Variants in NRSN2 observed in about 807,000 individuals in gnomAD.
NRSN2 encodes neurensin-2.
Under a neutral mutation model 11.1 loss-of-function variants are expected in NRSN2, and 10 were observed. That is an observed-to-expected ratio of 0.90 (90% CI 0.56 to 1.53). The LOEUF (loss-of-function observed/expected upper bound fraction) is 1.53, where lower values mean the gene tolerates loss of function less well. NRSN2 is among the 40% of genes most tolerant of loss of function. The pLI is 0.00. For synonymous variants in NRSN2, 100 were observed against 117.0 expected (o/e 0.86, Z 0.94); for missense variants, 260 against 273.7 (o/e 0.95, Z 0.35).
rs1198912181 is a variant in NRSN2, at chr20:347,402, C to A, written c.-200-32C>A. On this transcript the variant is annotated intron_variant, in intron 1 of 4. Transcript: ENST00000382285. The surrounding 1 kb of genome is among the most constrained non-coding windows in gnomAD (Gnocchi z 7.0). ...GACACCCCCACCCCCGCCAACACTT[C>A]AAAAACCCATTCCTACCCCTCTCTG... is the stretch of plus-strand genomic sequence containing the variant. The A allele has an allele frequency of 1.3e-5, 2 of 152,428 alleles. No homozygotes were observed. Among genetic ancestry groups the A allele is most frequent in the Admixed American group, 1.3e-4 (2 of 15,284 alleles). 9.4% of individuals were successfully genotyped at this position (152,428 alleles called of 1,614,324 possible).
rs2122584127 is a variant in NRSN2 at position 353,780 on chromosome 20, T to C, written c.*145T>C. On this transcript the variant is annotated 3_prime_UTR_variant, in exon 5 of 5. Transcript: ENST00000382285. ...GTCAAATCTGGAGCTCAAATCCCAGTGCTCCCTCCCCAGGAGTGGGGCCCC... is the reference window on the plus strand; with the variant it reads ...GTCAAATCTGGAGCTCAAATCCCAGCGCTCCCTCCCCAGGAGTGGGGCCCC... 1.2e-6 allele frequency: 1 copy of C among 858,520 alleles called. No homozygotes were observed. Among genetic ancestry groups the C allele is most frequent in the Non-Finnish European group, 1.7e-6 (1 of 574,730 alleles). 53.2% of individuals were successfully genotyped at this position (858,520 alleles called of 1,614,324 possible).
intron 4 of NRSN2, among the ~76,000 whole-genome samples, chr20:351,708 T>C (rs1261310576): frequency 6.6e-6 from 1 of 152,098 alleles, no homozygotes; most frequent in African/African-American, 2.4e-5. Context: ...ACTAAATAAA[T>C]GGAGAAATAG....
rs908610815 is a variant in NRSN2, at chr20:354,381, G to A, written c.*746G>A. 5 of 152,086 alleles carry A rather than the reference G, an allele frequency of 3.3e-5. No individual in the cohort carries two copies. Among genetic ancestry groups the A allele is most frequent in the Non-Finnish European group, 7.3e-5 (5 of 68,060 alleles). 9.4% of individuals were successfully genotyped at this position (152,086 alleles called of 1,614,324 possible). A position where few individuals can be genotyped will look rare whatever the true frequency, so the allele number is the denominator to read the frequency against. Reference sequence around the variant, plus strand: ...TCCTGGTTCCCTGAGGGTCCTCAGGGTGGAGGACAGGTTTGGCCCAGAAAG... The same window carrying A: ...TCCTGGTTCCCTGAGGGTCCTCAGGATGGAGGACAGGTTTGGCCCAGAAAG... On this transcript the variant is annotated 3_prime_UTR_variant, in exon 5 of 5. Transcript: ENST00000382285.
Position 353,605 on chromosome 20 carries a change from G to A in NRSN2, c.585G>A (p.Val195=). ...PPASPFGQSS[V]QTIQPKRDS is the part of the protein sequence containing the mutation. ...CCAGCCCCTTTGGGCAATCTTCTGTGCAGACTATCCAGCCCAAGAGGGACT... is the reference window on the plus strand; with the variant it reads ...CCAGCCCCTTTGGGCAATCTTCTGTACAGACTATCCAGCCCAAGAGGGACT... The change falls in exon 5 of 5, where the codon GTG becomes GTA. Residue 195 remains valine (V), a synonymous_variant. Transcript: ENST00000382285. The A allele has an allele frequency of 1.2e-6, 2 of 1,614,190 alleles. No homozygotes were observed. Among genetic ancestry groups the A allele is most frequent in the Non-Finnish European group, 1.7e-6 (2 of 1,180,030 alleles).
At position 347,840 on chromosome 20, in the gene NRSN2, C is replaced by T. The variant is rs1187719828; in HGVS notation, c.-122+328C>T. ...CTCCTCCCGGCTCCCGGGCTGGGGA[C>T]GCCTCCCTAGCGGTTCCCATGGCAA... On this transcript the variant is annotated intron_variant, in intron 2 of 4. Transcript: ENST00000382285. This position sits in a 1 kb window ranked among gnomAD's most constrained non-coding sequence, Gnocchi z 7.0. Among the ~76,000 whole-genome samples, 1 of 152,016 alleles carries T rather than the reference C, an allele frequency of 6.6e-6. No individual in the cohort carries two copies. The highest frequency in any genetic ancestry group is 2.4e-5 in the African/African-American group (1 of 41,410).
intron 2 of NRSN2, among the ~76,000 whole-genome samples, chr20:348,854 A>G (rs1014726145): frequency 8.9e-5 from 12 of 134,668 alleles, no homozygotes; most frequent in South Asian, 2.4e-4. Context: ...ACTTTTGTGG[A>G]AAAAAAAAAA....
At position 354,833 on chromosome 20, in the gene NRSN2, C is replaced by G. The variant is rs1456835756; in HGVS notation, c.*1198C>G. The G allele has an allele frequency of 1.3e-5, 2 of 152,302 alleles. No individual in the cohort carries two copies. The highest frequency in any genetic ancestry group is 2.9e-5 in the Non-Finnish European group (2 of 68,100). 9.4% of individuals were successfully genotyped at this position (152,302 alleles called of 1,614,324 possible). On this transcript the variant is annotated 3_prime_UTR_variant, in exon 5 of 5. Coordinates refer to ENST00000382285, the MANE Select transcript of NRSN2 (RefSeq NM_001323682.2). ...CTCATCCTGCACCCCTTCCATCCCA[C>G]CTTCCCTTTCAATAAACAGCTGGGA...
At chr20:350,215 C>T (rs2013821322) in intron 4 of NRSN2, among the ~76,000 whole-genome samples, 1 of 152,072 alleles carries the variant, frequency 6.6e-6, no homozygotes, top group African/African-American at 2.4e-5. Flanking sequence ...TAGTTCACGC[C>T]TGTAATCCCA....
In NRSN2 at chr20:347,807, C is replaced by T. The variant is rs2013548214; in HGVS notation, c.-122+295C>T. 6.6e-6 allele frequency among the ~76,000 whole-genome samples: 1 copy of T among 152,160 alleles called. No individual in the cohort carries two copies. Among genetic ancestry groups the T allele is most frequent in the Non-Finnish European group, 1.5e-5 (1 of 68,014 alleles). ...GCCCCCTCCGCCTCCCGCTCCCCTC[C>T]CACCGAGCTCCTCCCGGCTCCCGGG... On this transcript the variant is annotated intron_variant, in intron 2 of 4. Coordinates refer to ENST00000382285, the MANE Select transcript of NRSN2 (RefSeq NM_001323682.2). The surrounding 1 kb of genome is among the most constrained non-coding windows in gnomAD (Gnocchi z 7.0).
Position 350,133 on chromosome 20 carries a change from A to G in NRSN2, c.189+301A>G, listed in dbSNP as rs575607785. ...GGTGGGCAGATCACCTGAGGTCTGGAGTTCAACACCTGCTCTGTCAGCATG... is the reference window on the plus strand; with the variant it reads ...GGTGGGCAGATCACCTGAGGTCTGGGGTTCAACACCTGCTCTGTCAGCATG... On this transcript the variant is annotated intron_variant, in intron 4 of 4. Coordinates refer to ENST00000382285, the MANE Select transcript of NRSN2 (RefSeq NM_001323682.2). Among the ~76,000 whole-genome samples the G allele has an allele frequency of 2.6e-5, 4 of 152,042 alleles. No individual in the cohort carries two copies. In the South Asian group the frequency reaches 6.2e-4, roughly 24 times the overall value.
intron 4 of NRSN2, among the ~76,000 whole-genome samples, chr20:351,583 T>C (rs2013974428): frequency 6.6e-6 from 1 of 152,082 alleles, no homozygotes; most frequent in Non-Finnish European, 1.5e-5. Flanking sequence ...TAGTAAGATA[T>C]TAAAAACATG....
intron 4 of NRSN2, among the ~76,000 whole-genome samples, chr20:350,354 C>A (rs1439002652): frequency 6.6e-6 from 1 of 151,916 alleles, no homozygotes; most frequent in Non-Finnish European, 1.5e-5. Context: ...TGGCGGGCGC[C>A]TGTAATCCCG....
rs988773387 is a variant in NRSN2 at position 353,108 on chromosome 20, T to C, written c.190-102T>C. 5.7e-6 allele frequency: 6 copies of C among 1,048,128 alleles called. No individual in the cohort carries two copies. In the African/African-American group the frequency reaches 9.7e-5, roughly 17 times the overall value. 64.9% of individuals were successfully genotyped at this position (1,048,128 alleles called of 1,614,324 possible). ...GTGATTCCCATCTCCTGAGGATGGA[T>C]CAAGGGGTTACCCTTAAGTCTGGTG... On this transcript the variant is annotated intron_variant, in intron 4 of 4. Transcript: ENST00000382285.
chr20:350,646 C>CAAAAAAAAAAAAAA (rs56188179), intron 4 of NRSN2, among the ~76,000 whole-genome samples: 2 of 39,400 alleles, frequency 5.1e-5, no homozygotes, highest in Admixed American at 4.3e-4. Flanking sequence ...GACTCTGTCT[C>CAAAAAAAAAAAAAA]AAAAAAAAAA....
At position 354,083 on chromosome 20, in the gene NRSN2, C is replaced by G. The variant is rs567286089; in HGVS notation, c.*448C>G. Reference sequence around the variant, plus strand: ...GGGGGTCATTCAGCTCGAATGGGTCCCAGATGCTCACTTGGCCTTTCCCTG... The same window carrying G: ...GGGGGTCATTCAGCTCGAATGGGTCGCAGATGCTCACTTGGCCTTTCCCTG... On this transcript the variant is annotated 3_prime_UTR_variant, in exon 5 of 5. Transcript: ENST00000382285. The G allele has an allele frequency of 2.5e-4, 41 of 167,174 alleles. No homozygotes were observed. The Middle Eastern group carries it at 8.4e-3, about 34-fold the overall frequency. 10.4% of individuals were successfully genotyped at this position (167,174 alleles called of 1,614,324 possible).
At chr20:348,299 C>G (rs1008601453) in intron 2 of NRSN2, 1 of 152,598 alleles carries the variant, frequency 6.6e-6, no homozygotes, top group Admixed American at 6.5e-5. Flanking sequence ...GACGGTCCTT[C>G]GCTTTCAGTC....
At chr20:350,783 G>A (rs1023287134) in intron 4 of NRSN2, among the ~76,000 whole-genome samples, 2 of 151,568 alleles carry the variant, frequency 1.3e-5, no homozygotes, top group African/African-American at 4.9e-5. Flanking sequence ...TTATACCAAG[G>A]ACTTTGCAAG....
At position 347,921 on chromosome 20, in the gene NRSN2, G is replaced by T. The variant is rs1271181366; in HGVS notation, c.-122+409G>T. Among the ~76,000 whole-genome samples, 1 of 151,748 alleles carries T rather than the reference G, an allele frequency of 6.6e-6. No homozygotes were observed. The highest frequency in any genetic ancestry group is 1.5e-5 in the Non-Finnish European group (1 of 67,880). ...CCGCCCGCCAGACCTACTCCGTGCA[G>T]CCCTGAAACGCCAGGCGGAGGGGCC... On this transcript the variant is annotated intron_variant, in intron 2 of 4. Coordinates refer to ENST00000382285, the MANE Select transcript of NRSN2 (RefSeq NM_001323682.2). This position sits in a 1 kb window ranked among gnomAD's most constrained non-coding sequence, Gnocchi z 7.0.
chr20:354,689 C>G lies in NRSN2; in HGVS notation c.*1054C>G, dbSNP rs945935225. Reference sequence around the variant, plus strand: ...GCTGGAGAGCAGCGCTCAAGGCTCTCGCCCCTCCCCTCCCTAACCCTTACC... The same window carrying G: ...GCTGGAGAGCAGCGCTCAAGGCTCTGGCCCCTCCCCTCCCTAACCCTTACC... On this transcript the variant is annotated 3_prime_UTR_variant, in exon 5 of 5. Transcript: ENST00000382285. 1 of 152,252 alleles carries G rather than the reference C, an allele frequency of 6.6e-6. No individual in the cohort carries two copies. The highest frequency in any genetic ancestry group is 1.5e-5 in the Non-Finnish European group (1 of 68,126). 9.4% of individuals were successfully genotyped at this position (152,252 alleles called of 1,614,324 possible). A position where few individuals can be genotyped will look rare whatever the true frequency, so the allele number is the denominator to read the frequency against.
Sources: allele counts gnomAD v4.1 joint callset (sites outside exome capture counted in the v4.1 genomes callset), GRCh38; gene constraint gnomAD v4.1.1; non-coding constraint Gnocchi (gnomAD v3.1); transcripts MANE v1.5; gene names NCBI Gene and HGNC (gene_info 2026-07-23, HGNC 2026-07-21).